The following AAK1 variants were observed in gnomAD, a reference collection of about 807,000 sequenced individuals.
The protein encoded by AAK1 is AP2 associated kinase 1.
AAK1 carries 37 observed loss-of-function variants against 116.0 expected under a neutral mutation model. That is an observed-to-expected ratio of 0.32 (90% CI 0.25 to 0.42). The LOEUF (loss-of-function observed/expected upper bound fraction) is 0.42. Among genes scored for constraint, AAK1 ranks in the 10% least tolerant of loss-of-function variants. The pLI is 1.00. For missense variants in AAK1, 919 were observed against 1,170.6 expected (o/e 0.79, Z 3.14); for synonymous variants, 458 against 439.9 (o/e 1.04, Z -0.51).
chr2:69,469,773 A>G lies in AAK1; in HGVS notation c.*6096T>C. 2.0e-6 allele frequency: 2 copies of G among 985,464 alleles called. No homozygotes were observed. The highest frequency in any genetic ancestry group is 2.4e-6 in the Non-Finnish European group (2 of 829,936). The allele number at this position is 985,464 out of a possible 1,614,324, so 61.0% of individuals were successfully genotyped here. On this transcript the variant is annotated 3_prime_UTR_variant, in exon 22 of 22. Coordinates refer to ENST00000409085, the MANE Select transcript of AAK1 (RefSeq NM_014911.5). ...TTTGGTTTCACACATAAAATTAAGC[A>G]AGAAGTCAAAACATACTTCTTTTTC...
intron 1 of AAK1, 28 bp downstream of exon 1, chr2:69,643,547 C>T: frequency 1.6e-6 from 2 of 1,227,976 alleles, no homozygotes; most frequent in Non-Finnish European, 2.0e-6. Context: ...CCCGCCGCCC[C>T]TCGAGGCGGC....
chr2:69,534,138 C>G (rs1300924414), intron 5 of AAK1, among the ~76,000 whole-genome samples: 1 of 152,072 alleles, frequency 6.6e-6, no homozygotes, highest in Non-Finnish European at 1.5e-5. Flanking sequence ...ATGGATTATC[C>G]CACTACATCC....
In AAK1 at chr2:69,482,652, A is replaced by T. The variant is rs769405165; in HGVS notation, c.2467+59T>A. ...GGGATTGGTTAACTAGGTACTTGTCATTCTTGAAACAGGCACACATATCAT... is the reference window on the plus strand; with the variant it reads ...GGGATTGGTTAACTAGGTACTTGTCTTTCTTGAAACAGGCACACATATCAT... On this transcript the variant is annotated intron_variant, in intron 18 of 21. Coordinates refer to ENST00000409085, the MANE Select transcript of AAK1 (RefSeq NM_014911.5). 1.6e-5 allele frequency: 22 copies of T among 1,408,916 alleles called. No homozygotes were observed. In the East Asian group the frequency reaches 4.6e-4, roughly 29 times the overall value. 87.3% of individuals were successfully genotyped at this position (1,408,916 alleles called of 1,614,324 possible). A position where few individuals can be genotyped will look rare whatever the true frequency, so the allele number is the denominator to read the frequency against.
intron 2 of AAK1, among the ~76,000 whole-genome samples, chr2:69,625,787 C>G (rs1674869686): frequency 6.6e-6 from 1 of 152,188 alleles, no homozygotes; most frequent in South Asian, 2.1e-4. Flanking sequence ...GGGCCAGGAA[C>G]ATCTCTTTTC....
chr2:69,540,613 G>A (rs1670669394), intron 5 of AAK1, among the ~76,000 whole-genome samples: 1 of 152,320 alleles, frequency 6.6e-6, no homozygotes, highest in East Asian at 1.9e-4. Context: ...ACAAGTGTTG[G>A]TAAAGATGTG....
chr2:69,475,843 G>T lies in AAK1; in HGVS notation c.*26C>A. On this transcript the variant is annotated 3_prime_UTR_variant, in exon 22 of 22. Coordinates refer to ENST00000409085, the MANE Select transcript of AAK1 (RefSeq NM_014911.5). Reference sequence around the variant, plus strand: ...TGTATTTTACGGTATGAAGGTTACAGAACTGCATCTGCTACTGGGTCACGG... The same window carrying T: ...TGTATTTTACGGTATGAAGGTTACATAACTGCATCTGCTACTGGGTCACGG... 6.2e-7 allele frequency: 1 copy of T among 1,603,262 alleles called. No homozygotes were observed. Among genetic ancestry groups the T allele is most frequent in the Non-Finnish European group, 8.5e-7 (1 of 1,174,522 alleles).
chr2:69,593,417 T>C (rs1046590085), intron 2 of AAK1, among the ~76,000 whole-genome samples: 5 of 151,820 alleles, frequency 3.3e-5, no homozygotes. Flanking sequence ...TTATTGTGTA[T>C]TTTTACCACA....
In AAK1 at chr2:69,473,838, G is replaced by T. The variant is rs978383788; in HGVS notation, c.*2031C>A. ...ACATTCTTTCTATGTCCAGGAAAGAGAATACAATTCTGACCTGCAGCAATT... is the reference window on the plus strand; with the variant it reads ...ACATTCTTTCTATGTCCAGGAAAGATAATACAATTCTGACCTGCAGCAATT... On this transcript the variant is annotated 3_prime_UTR_variant, in exon 22 of 22. Transcript: ENST00000409085. The T allele has an allele frequency of 5.1e-5, 50 of 985,724 alleles. No individual in the cohort carries two copies. The African/African-American group carries it at 8.6e-4, about 17-fold the overall frequency. The allele number at this position is 985,724 out of a possible 1,614,324, so 61.1% of individuals were successfully genotyped here.
At chr2:69,633,852 A>G (rs1281585960) in intron 2 of AAK1, among the ~76,000 whole-genome samples, 1 of 152,186 alleles carries the variant, frequency 6.6e-6, no homozygotes, top group Non-Finnish European at 1.5e-5. Flanking sequence ...TCAGCTGGGA[A>G]GGGTTGGTTA....
At chr2:69,500,053 A>G (rs1260448994) in intron 16 of AAK1, 1 of 152,200 alleles carries the variant, frequency 6.6e-6, no homozygotes, top group Admixed American at 6.5e-5. Context: ...TGCAGCTTTT[A>G]CCATACAAAT....
At chr2:69,593,552 T>G (rs78338987) in intron 2 of AAK1, among the ~76,000 whole-genome samples, 1 of 151,914 alleles carries the variant, frequency 6.6e-6, no homozygotes, top group Non-Finnish European at 1.5e-5. Context: ...TCTTTATACA[T>G]AGAAAAGGGC....
chr2:69,628,284 C>CTTT (rs11441868), intron 2 of AAK1, among the ~76,000 whole-genome samples: 3 of 146,136 alleles, frequency 2.1e-5, no homozygotes, highest in African/African-American at 7.5e-5. Flanking sequence ...TGTTTCTTTT[C>CTTT]TTTTTTTTTT....
intron 2 of AAK1, among the ~76,000 whole-genome samples, chr2:69,592,634 A>G (rs1673082294): frequency 6.6e-6 from 1 of 152,230 alleles, no homozygotes; most frequent in Admixed American, 6.5e-5. Flanking sequence ...TCTGTGGCAA[A>G]TAAAACAAAA....
chr2:69,572,736 T>G (rs568927581), intron 2 of AAK1, among the ~76,000 whole-genome samples: 1 of 151,838 alleles, frequency 6.6e-6, no homozygotes, highest in Admixed American at 6.6e-5. Flanking sequence ...CCTGGCTGTG[T>G]GAAAATGCTG....
At position 69,469,096 on chromosome 2, in the gene AAK1, G is replaced by A. The variant is rs1221239271; in HGVS notation, c.*6773C>T. On this transcript the variant is annotated 3_prime_UTR_variant, in exon 22 of 22. Transcript: ENST00000409085. Reference sequence around the variant, plus strand: ...CAGCATCAACAGGCTTTGTAGGAATGGAAAAGTACATTTAAAGGGTTGTCC... The same window carrying A: ...CAGCATCAACAGGCTTTGTAGGAATAGAAAAGTACATTTAAAGGGTTGTCC... The A allele has an allele frequency of 4.1e-6, 4 of 985,322 alleles. No individual in the cohort carries two copies. Among genetic ancestry groups the A allele is most frequent in the Non-Finnish European group, 4.8e-6 (4 of 829,946 alleles). The allele number at this position is 985,322 out of a possible 1,614,324, so 61.0% of individuals were successfully genotyped here.
intron 14 of AAK1, among the ~76,000 whole-genome samples, chr2:69,508,349 A>G (rs1440908138): frequency 1.3e-5 from 2 of 152,136 alleles, no homozygotes; most frequent in Non-Finnish European, 2.9e-5. Context: ...AGAAATAAAG[A>G]CAGTTACCAC....
At chr2:69,499,310 C>T (rs1228277486) in intron 16 of AAK1, among the ~76,000 whole-genome samples, 2 of 152,206 alleles carry the variant, frequency 1.3e-5, no homozygotes, top group South Asian at 2.1e-4. Flanking sequence ...CCTTCCAACA[C>T]TCAACTTCTT....
At chr2:69,588,245 A>C (rs918546572) in intron 2 of AAK1, among the ~76,000 whole-genome samples, 3 of 152,172 alleles carry the variant, frequency 2.0e-5, no homozygotes, top group Admixed American at 2.0e-4. Flanking sequence ...GCACACATCT[A>C]AACACAGAAG....
At chr2:69,559,479 T>C (rs537206884) in intron 2 of AAK1, among the ~76,000 whole-genome samples, 1 of 152,104 alleles carries the variant, frequency 6.6e-6, no homozygotes, top group African/African-American at 2.4e-5. Context: ...TTGAGGAAAA[T>C]AGTAGTGTAA....
Sources: allele counts gnomAD v4.1 joint callset (sites outside exome capture counted in the v4.1 genomes callset), GRCh38; gene constraint gnomAD v4.1.1; transcripts MANE v1.5; gene names NCBI Gene and HGNC (gene_info 2026-07-23, HGNC 2026-07-21).